Variants in RANBP3L observed in about 807,000 individuals in gnomAD.
The protein encoded by RANBP3L is RAN binding protein 3 like.
RANBP3L carries 56 observed loss-of-function variants against 67.2 expected under a neutral mutation model. The observed-to-expected ratio is 0.83, with a 90% CI of 0.67 to 1.04. The LOEUF (loss-of-function observed/expected upper bound fraction) is 1.04. Ranked by LOEUF, RANBP3L falls within the 50% of genes least tolerant of loss-of-function variation. The pLI is 0.00. For missense variants in RANBP3L, 496 were observed against 535.5 expected (o/e 0.93, Z 0.73); for synonymous variants, 164 against 181.4 (o/e 0.90, Z 0.77).
intron 1 of RANBP3L, among the ~76,000 whole-genome samples, chr5:36,271,607 A>G (rs937773468): frequency 3.3e-5 from 5 of 152,190 alleles, no homozygotes; most frequent in African/African-American, 1.2e-4. Context: ...GTACCTTTAG[A>G]ATCTCATCAG....
chr5:36,251,747 T>C (rs1242505914), intron 12 of RANBP3L, among the ~76,000 whole-genome samples: 1 of 152,184 alleles, frequency 6.6e-6, no homozygotes, highest in Non-Finnish European at 1.5e-5. Context: ...AATTTTGTTA[T>C]ATAAAATTTC....
At position 36,253,740 on chromosome 5, in the gene RANBP3L, C is replaced by G. The variant is rs202164664; in HGVS notation, c.1074G>C (p.Trp358Cys). The G allele has an allele frequency of 3.1e-6, 5 of 1,612,836 alleles. No homozygotes were observed. The highest frequency in any genetic ancestry group is 4.2e-6 in the Non-Finnish European group (5 of 1,179,174). ...TTGCTCTTTGAATCTTCATTTGGGC[C>G]CAGAGTTTGCTGTTGAGGATCAGCC... ...SLRLILNSKLWAQMKIQRANH... is the reference protein window; with the variant it reads ...SLRLILNSKLCAQMKIQRANH... Residue 358 changes from tryptophan (W) to cysteine (C), a missense_variant, in exon 12 of 14, where the codon TGG becomes TGC. By Grantham distance (215) the Trp-to-Cys change is radical (BLOSUM62 -2). Transcript: ENST00000296604.
intron 11 of RANBP3L, 68 bp from the exon 12 acceptor site, chr5:36,253,857 A>C (rs1427368673): frequency 1.4e-6 from 2 of 1,470,642 alleles, no homozygotes; most frequent in Non-Finnish European, 1.8e-6. Flanking sequence ...CATTTTCAAA[A>C]GCAAAATAAA....
intron 2 of RANBP3L, 38 bp downstream of exon 2, chr5:36,271,215 G>A (rs751823388): frequency 1.0e-5 from 12 of 1,153,212 alleles, no homozygotes; most frequent in Non-Finnish European, 1.6e-5. Flanking sequence ...AATTGTCTTT[G>A]TCAAAGTAAA....
At chr5:36,289,388 T>C (rs1044640546) in intron 1 of RANBP3L, among the ~76,000 whole-genome samples, 2 of 152,188 alleles carry the variant, frequency 1.3e-5, no homozygotes, top group African/African-American at 4.8e-5. Context: ...AGGTCCTTAA[T>C]ATTTCCTTAT....
intron 4 of RANBP3L, among the ~76,000 whole-genome samples, chr5:36,266,552 AT>A (rs2111833628): frequency 1.3e-5 from 2 of 152,310 alleles, no homozygotes; most frequent in African/African-American, 4.8e-5. Flanking sequence ...AAAGAGCCAT[AT>A]TTTTCTCCTG....
At chr5:36,265,598 A>C (rs1176754763) in intron 4 of RANBP3L, 78 bp from the exon 5 acceptor site, 3 of 801,166 alleles carry the variant, frequency 3.7e-6, no homozygotes, top group Admixed American at 2.3e-5. Context: ...TAACAATCCC[A>C]TTCCGAACTC....
At chr5:36,268,471 G>A (rs1424461155) in intron 4 of RANBP3L, among the ~76,000 whole-genome samples, 6 of 151,992 alleles carry the variant, frequency 3.9e-5, no homozygotes, top group Admixed American at 2.6e-4. Flanking sequence ...TTTATTTTGT[G>A]GTCACCATAT....
In RANBP3L at chr5:36,269,481, A is replaced by T. The variant is rs1750058211; in HGVS notation, c.191-14T>A. ...AACCATTACATTCTGCAAGAAAAGC[A>T]ATGGAAAGGCTAAAATTACTTGTGA... On this transcript the variant is annotated splice_polypyrimidine_tract_variant and intron_variant, in intron 3 of 13. Coordinates refer to ENST00000296604, the MANE Select transcript of RANBP3L (RefSeq NM_145000.5). 1 of 1,394,680 alleles carries T rather than the reference A, an allele frequency of 7.2e-7. No individual in the cohort carries two copies. Among genetic ancestry groups the T allele is most frequent in the East Asian group, 2.3e-5 (1 of 44,086 alleles). 86.4% of individuals were successfully genotyped at this position (1,394,680 alleles called of 1,614,324 possible). A position where few individuals can be genotyped will look rare whatever the true frequency, so the allele number is the denominator to read the frequency against.
In RANBP3L at chr5:36,265,053, T is replaced by A; in HGVS notation, c.386A>T (p.Gln129Leu). ...SKHVIRPAIL[Q>L]LPQARSCAKV... is the part of the protein sequence containing the mutation. ...TGCACAACTTCGAGCTTGAGGTAGC[T>A]GCAAAATAGCAGGTCTAATAACATG... is the stretch of plus-strand genomic sequence containing the variant. The change falls in exon 6 of 14, where the codon CAG becomes CTG. Residue 129 changes from glutamine (Q) to leucine (L), a missense_variant. Gln to Leu is a moderately radical substitution (Grantham distance 113). Coordinates refer to ENST00000296604, the MANE Select transcript of RANBP3L (RefSeq NM_145000.5). 1 of 1,612,566 alleles carries A rather than the reference T, an allele frequency of 6.2e-7. No homozygotes were observed. Among genetic ancestry groups the A allele is most frequent in the South Asian group, 1.1e-5 (1 of 91,014 alleles).
intron 1 of RANBP3L, among the ~76,000 whole-genome samples, chr5:36,284,523 T>C (rs936813648): frequency 3.9e-5 from 6 of 152,224 alleles, no homozygotes; most frequent in African/African-American, 1.4e-4. Flanking sequence ...CTAGTTTAAA[T>C]ACAAAGTGAA....
rs550966648 is a variant in RANBP3L at position 36,271,608 on chromosome 5, A to G, written c.92-297T>C. Among the ~76,000 whole-genome samples, 157 of 152,330 alleles carry G rather than the reference A, an allele frequency of 1.0e-3. 1 individual carries two copies. The highest frequency in any genetic ancestry group is 3.7e-3 in the African/African-American group (152 of 41,594). On this transcript the variant is annotated intron_variant, in intron 1 of 13. Transcript: ENST00000296604. ...CAAAATATAATTATGTACCTTTAGA[A>G]TCTCATCAGAGCATAGCGATTAACA... is the stretch of plus-strand genomic sequence containing the variant.
chr5:36,300,069 G>A (rs1752510235), intron 1 of RANBP3L, among the ~76,000 whole-genome samples: 1 of 152,148 alleles, frequency 6.6e-6, no homozygotes, highest in East Asian at 1.9e-4. Context: ...TATCATATTA[G>A]CAATTGAAGT....
At chr5:36,283,539 T>TACAC (rs3086448) in intron 1 of RANBP3L, among the ~76,000 whole-genome samples, 35,287 of 144,590 alleles carry the variant, frequency 0.24, 4,184 homozygotes, top group South Asian at 0.27. Flanking sequence ...TATATAAAAA[T>TACAC]ACACACACAC....
chr5:36,286,102 C>T (rs1751308256), intron 1 of RANBP3L, among the ~76,000 whole-genome samples: 1 of 152,092 alleles, frequency 6.6e-6, no homozygotes, highest in South Asian at 2.1e-4. Flanking sequence ...ACATTGTATG[C>T]AGTGTTTTAT....
chr5:36,256,976 T>G lies in RANBP3L; in HGVS notation c.868A>C (p.Ile290Leu), dbSNP rs1346127800. 1 of 1,613,142 alleles carries G rather than the reference T, an allele frequency of 6.2e-7. No individual in the cohort carries two copies. The highest frequency in any genetic ancestry group is 8.5e-7 in the Non-Finnish European group (1 of 1,179,414). ...RKCLLEKIDVITGEETEHNVL... is the reference protein window; with the variant it reads ...RKCLLEKIDVLTGEETEHNVL... ...TTATGTTCTGTTTCCTCCCCTGTTA[T>G]AACATCAATTTTCTCCAGCAAGCAT... The change falls in exon 10 of 14, where the codon ATA (isoleucine) becomes CTA (leucine). Residue 290 changes from isoleucine (I) to leucine (L), a missense_variant. Coordinates refer to ENST00000296604, the MANE Select transcript of RANBP3L (RefSeq NM_145000.5).
At chr5:36,253,594 G>A in intron 12 of RANBP3L, 53 bp downstream of exon 12, 1 of 1,429,616 alleles carries the variant, frequency 7.0e-7, no homozygotes, top group Non-Finnish European at 9.8e-7. Flanking sequence ...AGTAATTGCA[G>A]ACGTCTATTA....
At position 36,251,435 on chromosome 5, in the gene RANBP3L, C is replaced by T. The variant is rs1748587348; in HGVS notation, c.1232G>A (p.Ser411Asn). 1 of 1,613,042 alleles carries T rather than the reference C, an allele frequency of 6.2e-7. No individual in the cohort carries two copies. Among genetic ancestry groups the T allele is most frequent in the Non-Finnish European group, 8.5e-7 (1 of 1,179,358 alleles). The stretch of plus-strand genomic sequence containing the variant: ...ATTGACATCTCTCTGCTTATTGAAG[C>T]TTTGAAGTGCAACAAGACGATGATG... ...AIHHRLVALQSFNKQRDVNQA... is the reference protein window; with the variant it reads ...AIHHRLVALQNFNKQRDVNQA... The change falls in exon 13 of 14, where the codon AGC (serine) becomes AAC (asparagine). Residue 411 changes from serine to asparagine, a missense_variant. Physicochemically the swap from Ser to Asn is conservative, Grantham distance 46 (BLOSUM62 1). Coordinates refer to ENST00000296604, the MANE Select transcript of RANBP3L (RefSeq NM_145000.5).
intron 4 of RANBP3L, chr5:36,268,375 A>G: frequency 1.7e-6 from 1 of 599,244 alleles, no homozygotes; most frequent in East Asian, 3.2e-5. Flanking sequence ...AATTTAGAAA[A>G]ATCTTTTTAT....
Sources: allele counts gnomAD v4.1 joint callset (sites outside exome capture counted in the v4.1 genomes callset), GRCh38; gene constraint gnomAD v4.1.1; transcripts MANE v1.5; gene names NCBI Gene and HGNC (gene_info 2026-07-23, HGNC 2026-07-21).